The following PPP3CA variants were observed in gnomAD, a reference collection of about 807,000 sequenced individuals.
The protein encoded by PPP3CA is protein phosphatase 3 catalytic subunit alpha.
In PPP3CA, 14 loss-of-function variants were observed where a neutral mutation model predicts 66.5. The observed-to-expected ratio is 0.21, with a 90% CI of 0.14 to 0.33. The LOEUF (loss-of-function observed/expected upper bound fraction) is 0.33. Among genes scored for constraint, PPP3CA ranks in the 10% least tolerant of loss-of-function variants. The probability of loss-of-function intolerance (pLI) is 1.00; values close to 1 mark genes in which losing one functional copy is unlikely to be tolerated. For missense variants in PPP3CA, 317 were observed against 639.5 expected (o/e 0.50, Z 5.44); for synonymous variants, 232 against 226.2 (o/e 1.03, Z -0.23).
At chr4:101,270,849 C>T (rs1727316002) in intron 1 of PPP3CA, among the ~76,000 whole-genome samples, 1 of 151,918 alleles carries the variant, frequency 6.6e-6, no homozygotes, top group Non-Finnish European at 1.5e-5. Flanking sequence ...AGTTTGAACC[C>T]CAAAGTAGAT....
chr4:101,068,517 T>C (rs1728777637), intron 8 of PPP3CA, among the ~76,000 whole-genome samples: 2 of 152,120 alleles, frequency 1.3e-5, no homozygotes, highest in African/African-American at 2.4e-5. Flanking sequence ...TTTTCAAAAA[T>C]CTGTATTTTC....
chr4:101,112,362 G>A (rs375730944), intron 2 of PPP3CA, among the ~76,000 whole-genome samples: 2 of 152,154 alleles, frequency 1.3e-5, no homozygotes, highest in East Asian at 3.9e-4. Context: ...CAATATCACT[G>A]CAATAATTGG....
chr4:101,086,859 G>A (rs1316549925), intron 6 of PPP3CA, among the ~76,000 whole-genome samples: 1 of 152,206 alleles, frequency 6.6e-6, no homozygotes, highest in Non-Finnish European at 1.5e-5. Context: ...GCAGCAATCT[G>A]TCAGCTTATT....
intron 2 of PPP3CA, among the ~76,000 whole-genome samples, chr4:101,166,717 T>G (rs1047289207): frequency 1.3e-5 from 2 of 152,120 alleles, no homozygotes; most frequent in Non-Finnish European, 1.5e-5. Context: ...AGTTCATCAT[T>G]TAAAAGACGG....
chr4:101,305,023 G>C (rs1728489854), intron 1 of PPP3CA, among the ~76,000 whole-genome samples: 1 of 152,164 alleles, frequency 6.6e-6, no homozygotes, highest in Non-Finnish European at 1.5e-5. Context: ...CTTGTGAAAA[G>C]CACAATAAAT....
chr4:101,323,273 A>C (rs1729098035), intron 1 of PPP3CA, among the ~76,000 whole-genome samples: 1 of 152,172 alleles, frequency 6.6e-6, no homozygotes, highest in South Asian at 2.1e-4. Flanking sequence ...AAATGCTACT[A>C]ATCTAATGAA....
At chr4:101,231,536 G>T (rs1213081683) in intron 1 of PPP3CA, among the ~76,000 whole-genome samples, 1 of 151,768 alleles carries the variant, frequency 6.6e-6, no homozygotes, top group South Asian at 2.1e-4. Flanking sequence ...AGAGAATGTG[G>T]TGGGCATTTT....
intron 1 of PPP3CA, among the ~76,000 whole-genome samples, chr4:101,253,090 AAAC>A (rs756791892): frequency 7.9e-5 from 12 of 152,188 alleles, no homozygotes; most frequent in Non-Finnish European, 8.8e-5. Flanking sequence ...TTTTCACCAA[AAAC>A]AACAACATTT....
At chr4:101,217,801 G>T (rs1199908138) in intron 1 of PPP3CA, among the ~76,000 whole-genome samples, 1 of 152,054 alleles carries the variant, frequency 6.6e-6, no homozygotes, top group Non-Finnish European at 1.5e-5. Context: ...ACAAGGTCCA[G>T]TGCAGTCGGT....
At chr4:101,225,498 A>G (rs1321915384) in intron 1 of PPP3CA, among the ~76,000 whole-genome samples, 2 of 151,830 alleles carry the variant, frequency 1.3e-5, no homozygotes, top group Non-Finnish European at 2.9e-5. Flanking sequence ...AGTTCAAATG[A>G]CCATTTTGCA....
intron 2 of PPP3CA, among the ~76,000 whole-genome samples, chr4:101,186,916 C>A (rs191561513): frequency 6.6e-6 from 1 of 152,198 alleles, no homozygotes; most frequent in East Asian, 1.9e-4. Flanking sequence ...GTAACAGATA[C>A]AGCAATAACA....
intron 1 of PPP3CA, among the ~76,000 whole-genome samples, chr4:101,292,611 TGA>T (rs1728064881): frequency 2.6e-5 from 4 of 152,198 alleles, no homozygotes; most frequent in Admixed American, 1.3e-4. Flanking sequence ...GGCAATGAAT[TGA>T]AGAGAGATTT....
At chr4:101,340,692 T>G (rs988595112) in intron 1 of PPP3CA, among the ~76,000 whole-genome samples, 1 of 152,216 alleles carries the variant, frequency 6.6e-6, no homozygotes, top group Admixed American at 6.5e-5. Context: ...ATTTACAAAC[T>G]GAAATCCTAT....
chr4:101,136,960 G>T (rs1722642523), intron 2 of PPP3CA, among the ~76,000 whole-genome samples: 1 of 152,098 alleles, frequency 6.6e-6, no homozygotes, highest in Non-Finnish European at 1.5e-5. Context: ...CTGAGTTCGT[G>T]CATGAGCGGG....
At chr4:101,032,227 C>T (rs112736222) in intron 12 of PPP3CA, 40 bp downstream of exon 12, 34 of 1,399,256 alleles carry the variant, frequency 2.4e-5, no homozygotes, top group East Asian at 9.9e-5. Context: ...CAGCTGACTG[C>T]GATGCCCCAG....
At chr4:101,064,211 G>C (rs1161294819) in intron 8 of PPP3CA, among the ~76,000 whole-genome samples, 2 of 151,846 alleles carry the variant, frequency 1.3e-5, no homozygotes, top group Non-Finnish European at 2.9e-5. Context: ...TTTCAATAAA[G>C]GAAAAGTCAC....
intron 2 of PPP3CA, among the ~76,000 whole-genome samples, chr4:101,117,739 T>C (rs2110270400): frequency 6.6e-6 from 1 of 151,940 alleles, no homozygotes; most frequent in East Asian, 1.9e-4. Context: ...TTAAATTTGT[T>C]CATCACCCTG....
chr4:101,140,573 T>C (rs2732518), intron 2 of PPP3CA, among the ~76,000 whole-genome samples: 22,313 of 152,110 alleles, frequency 0.15, 3,186 homozygotes, highest in African/African-American at 0.36. Context: ...ACCTATGTGA[T>C]TCAGAATAAG....
At chr4:101,157,536 G>A (rs1228321000) in intron 2 of PPP3CA, among the ~76,000 whole-genome samples, 2 of 152,178 alleles carry the variant, frequency 1.3e-5, no homozygotes, top group Non-Finnish European at 2.9e-5. Context: ...GAGGATGGCA[G>A]TGCCTTGAGT....
Sources: gnomAD v4.1 joint callset for allele counts (sites outside exome capture counted in the v4.1 genomes callset) on GRCh38, gnomAD v4.1.1 for gene constraint, MANE v1.5 for transcripts, NCBI Gene and HGNC (gene_info 2026-07-23, HGNC 2026-07-21) for gene names.